The following BLTP1 variants were observed in gnomAD, a reference collection of about 807,000 sequenced individuals.
The protein encoded by BLTP1 is fragile site-associated protein.
At chr4:122,297,531 A>AT in the BLTP1 span, among the ~76,000 whole-genome samples, 1 of 152,198 alleles carries the variant, frequency 6.6e-6, no homozygotes, top group South Asian at 2.1e-4. Context: ...CAAAAATACC[A>AT]TTTTGCCCAG....
chr4:122,346,953 A>C, the BLTP1 span: 2 of 850,044 alleles, frequency 2.4e-6, no homozygotes, highest in Non-Finnish European at 2.8e-6. Flanking sequence ...AGAACCAAAA[A>C]GACAAAAAGT....
At chr4:122,229,182 T>C in the BLTP1 span, 1 of 1,612,024 alleles carries the variant, frequency 6.2e-7, no homozygotes, top group Non-Finnish European at 8.5e-7. Flanking sequence ...ATGATTCGTT[T>C]AGCAGTAGAT....
the BLTP1 span, chr4:122,291,733 C>T: frequency 3.1e-6 from 3 of 979,432 alleles, no homozygotes; most frequent in Non-Finnish European, 2.4e-6. Context: ...AGAATTGGGC[C>T]AGGTATATAT....
chr4:122,326,178 T>G, the BLTP1 span, among the ~76,000 whole-genome samples: 1 of 151,722 alleles, frequency 6.6e-6, no homozygotes, highest in East Asian at 1.9e-4. Flanking sequence ...TACAATTTAT[T>G]ATTTCCTAAT....
the BLTP1 span, chr4:122,313,965 T>C: frequency 1.2e-6 from 1 of 845,168 alleles, no homozygotes; most frequent in Non-Finnish European, 1.4e-6. Flanking sequence ...CTTTTAAATT[T>C]TTACAATGTA....
chr4:122,220,740 T>C, the BLTP1 span, among the ~76,000 whole-genome samples: 5 of 152,176 alleles, frequency 3.3e-5, no homozygotes, highest in African/African-American at 1.2e-4. Flanking sequence ...ATAAGTACTT[T>C]CTCAAATATT....
the BLTP1 span, chr4:122,324,556 T>C: frequency 2.6e-6 from 4 of 1,566,094 alleles, no homozygotes; most frequent in African/African-American, 2.7e-5. Context: ...ATTTCAGCCA[T>C]TGAAACAAGT....
the BLTP1 span, chr4:122,175,888 T>C: frequency 4.5e-6 from 7 of 1,558,708 alleles, no homozygotes; most frequent in African/African-American, 1.4e-5. Context: ...TGGTGGAAAA[T>C]GTATAACCCA....
the BLTP1 span, chr4:122,182,814 C>T: frequency 1.0e-6 from 1 of 984,642 alleles, no homozygotes; most frequent in Non-Finnish European, 1.2e-6. Flanking sequence ...AAGTAGCACT[C>T]ATTTCCCTCT....
the BLTP1 span, chr4:122,334,649 G>C: frequency 8.7e-7 from 1 of 1,154,010 alleles, no homozygotes; most frequent in Non-Finnish European, 1.2e-6. Flanking sequence ...AAGAAAAAAG[G>C]ACATACATTT....
At chr4:122,245,420 C>G in the BLTP1 span, among the ~76,000 whole-genome samples, 1 of 152,040 alleles carries the variant, frequency 6.6e-6, no homozygotes, top group Admixed American at 6.6e-5. Context: ...GTGCTTTGGC[C>G]CTAAGTGAAT....
At chr4:122,228,933 A>G in the BLTP1 span, 2,531 of 183,976 alleles carry the variant, frequency 0.014, 15 homozygotes, top group Non-Finnish European at 0.021. Context: ...TTTCTAACGT[A>G]TAGTTTTCTA....
the BLTP1 span, chr4:122,334,687 T>A: frequency 5.2e-6 from 4 of 775,666 alleles, no homozygotes; most frequent in Admixed American, 6.0e-5. Flanking sequence ...AGACTTCATA[T>A]ATGGAAGTGT....
the BLTP1 span, chr4:122,289,086 G>C: frequency 6.2e-7 from 1 of 1,606,238 alleles, no homozygotes; most frequent in Non-Finnish European, 8.5e-7. Flanking sequence ...TTGTCTGGCA[G>C]GTTGGTTCCT....
the BLTP1 span, chr4:122,273,321 G>A: frequency 2.0e-6 from 2 of 984,266 alleles, no homozygotes; most frequent in Non-Finnish European, 2.4e-6. Context: ...TAAATTTGAG[G>A]ATTATGTACT....
chr4:122,298,694 T>C, the BLTP1 span: 1 of 518,020 alleles, frequency 1.9e-6, no homozygotes, highest in Non-Finnish European at 2.5e-6. Flanking sequence ...AAGATTTAAA[T>C]GAATTTTTGA....
the BLTP1 span, chr4:122,225,732 G>A: frequency 6.6e-6 from 1 of 152,078 alleles, no homozygotes; most frequent in South Asian, 2.1e-4. Flanking sequence ...ATGCATAATG[G>A]AATGTATAAA....
the BLTP1 span, chr4:122,154,010 T>C: frequency 1.0e-6 from 1 of 985,164 alleles, no homozygotes; most frequent in Non-Finnish European, 1.2e-6. Flanking sequence ...TTAGTTAAAA[T>C]GCCATACTTT....
At chr4:122,212,859 T>C in the BLTP1 span, among the ~76,000 whole-genome samples, 1 of 152,096 alleles carries the variant, frequency 6.6e-6, no homozygotes, top group Non-Finnish European at 1.5e-5. Flanking sequence ...ATGACATTCA[T>C]CTAATTAGCT....
Sources: allele counts gnomAD v4.1 joint callset (sites outside exome capture counted in the v4.1 genomes callset), GRCh38; gene constraint gnomAD v4.1.1; transcripts MANE v1.5; gene names NCBI Gene and HGNC (gene_info 2026-07-23, HGNC 2026-07-21).